ARMC9: variants seen among roughly 807,000 people sequenced by gnomAD.
ARMC9 encodes the protein armadillo repeat containing 9.
A neutral mutation model predicts 107.0 loss-of-function variants in ARMC9; 94 were observed. The ratio of observed to expected loss-of-function variants is 0.88; its 90% confidence interval spans 0.74 to 1.04. The LOEUF is 1.04. ARMC9 is among the 50% of genes least tolerant of loss of function. The probability of loss-of-function intolerance (pLI) is 0.00; values close to 1 mark genes in which losing one functional copy is unlikely to be tolerated. For synonymous variants in ARMC9, 380 were observed against 396.9 expected, an observed-to-expected ratio of 0.96 and a Z score of 0.51; for missense variants, 942 against 1,030.1, an observed-to-expected ratio of 0.91 and a Z score of 1.17.
chr2:231,319,416 C>T (rs1376657606), intron 19 of ARMC9, among the ~76,000 whole-genome samples: 1 of 152,124 alleles, frequency 6.6e-6, no homozygotes. Context: ...AAACTAACTG[C>T]CACGAACCTG....
chr2:231,235,196 A>G lies in ARMC9; in HGVS notation c.623-28A>G, dbSNP rs112017705. 2.5e-6 allele frequency: 4 copies of G among 1,592,048 alleles called. No individual in the cohort carries two copies. In the African/African-American group the frequency reaches 4.0e-5, roughly 16 times the overall value. ...TTTTTCATATTGTGGATTTTTATTG[A>G]TGTTGTTTGTTTTAACTGTCTTCCT... On this transcript the variant is annotated intron_variant, in intron 7 of 24. Coordinates refer to ENST00000611582, the MANE Select transcript of ARMC9 (RefSeq NM_001352754.2).
chr2:231,210,109 T>G (rs1434971537), intron 3 of ARMC9, among the ~76,000 whole-genome samples: 1 of 152,250 alleles, frequency 6.6e-6, no homozygotes, highest in Non-Finnish European at 1.5e-5. Flanking sequence ...CTCCTAGTCC[T>G]TGACTCCCCA....
chr2:231,356,028 T>C, intron 22 of ARMC9, 94 bp downstream of exon 22: 2 of 1,428,882 alleles, frequency 1.4e-6, no homozygotes, highest in Admixed American at 4.6e-5. Context: ...GCACGTCTGC[T>C]CCTGGGAAGC....
At chr2:231,298,045 G>A (rs900583821) in intron 19 of ARMC9, among the ~76,000 whole-genome samples, 1 of 152,190 alleles carries the variant, frequency 6.6e-6, no homozygotes, top group Non-Finnish European at 1.5e-5. Context: ...CATTCTGAAA[G>A]CAATTGTCTA....
In ARMC9 at chr2:231,259,063, T is replaced by A. The variant is rs762055365; in HGVS notation, c.987T>A (p.Ser329Arg). 6.2e-7 allele frequency: 1 copy of A among 1,614,122 alleles called. No homozygotes were observed. Among genetic ancestry groups the A allele is most frequent in the East Asian group, 2.2e-5 (1 of 44,888 alleles). Residue 329 changes from serine (S) to arginine (R), a missense_variant, in exon 11 of 25, where the codon AGT (serine) becomes AGA (arginine). Transcript: ENST00000611582. ...TGAAGAAGGATTTGATTTTGGGGAG[T>A]GACCGCTTGAAAGCCTTCTTGTTGC... ...EKLKKDLILG[S>R]DRLKAFLLQA...
chr2:231,246,570 A>G, intron 9 of ARMC9, among the ~76,000 whole-genome samples: 1 of 152,182 alleles, frequency 6.6e-6, no homozygotes, highest in East Asian at 1.9e-4. Flanking sequence ...ATTCCATTGT[A>G]TATGTGTACC....
chr2:231,261,075 C>T (rs532660158), intron 11 of ARMC9, among the ~76,000 whole-genome samples: 2 of 152,330 alleles, frequency 1.3e-5, no homozygotes, highest in South Asian at 4.1e-4. Flanking sequence ...GTCTGATGCT[C>T]TGGCCTGCGC....
chr2:231,293,674 C>G (rs1041133576), intron 18 of ARMC9: 1 of 152,232 alleles, frequency 6.6e-6, no homozygotes, highest in African/African-American at 2.4e-5. Context: ...CCTGGGCATT[C>G]TGGAAGGCTT....
At chr2:231,350,101 C>T (rs2044997121) in intron 21 of ARMC9, among the ~76,000 whole-genome samples, 2 of 152,110 alleles carry the variant, frequency 1.3e-5, no homozygotes, top group Admixed American at 6.5e-5. Flanking sequence ...GTCTTGGCAA[C>T]TGCAAGCTCC....
chr2:231,200,410 A>G (rs1194067272), intron 1 of ARMC9, among the ~76,000 whole-genome samples: 1 of 152,234 alleles, frequency 6.6e-6, no homozygotes, highest in Admixed American at 6.5e-5. Flanking sequence ...TGCCAGGTGC[A>G]GTGGCTCATG....
chr2:231,218,855 G>A (rs1411004122), intron 5 of ARMC9, among the ~76,000 whole-genome samples: 2 of 151,802 alleles, frequency 1.3e-5, no homozygotes, highest in Admixed American at 1.3e-4. Context: ...GGGTTCAAGC[G>A]ATTCTCCTGC....
At chr2:231,224,510 T>A (rs1193728247) in intron 6 of ARMC9, among the ~76,000 whole-genome samples, 1 of 152,220 alleles carries the variant, frequency 6.6e-6, no homozygotes, top group East Asian at 1.9e-4. Context: ...AGTATGAAGA[T>A]TGAGTTAATA....
At chr2:231,265,793 A>T (rs1448613889) in intron 12 of ARMC9, among the ~76,000 whole-genome samples, 1 of 151,870 alleles carries the variant, frequency 6.6e-6, no homozygotes, top group African/African-American at 2.4e-5. Context: ...AGATCACTTG[A>T]GGTCAGGTGT....
intron 17 of ARMC9, among the ~76,000 whole-genome samples, chr2:231,286,020 G>A (rs1406471132): frequency 2.6e-5 from 4 of 152,172 alleles, no homozygotes; most frequent in Admixed American, 6.5e-5. Flanking sequence ...CAAGGAAAAC[G>A]TTTCCCACAA....
At chr2:231,199,980 G>A (rs1160894151) in intron 1 of ARMC9, among the ~76,000 whole-genome samples, 1 of 152,170 alleles carries the variant, frequency 6.6e-6, no homozygotes, top group Non-Finnish European at 1.5e-5. Context: ...TTACAGGTGT[G>A]AGCCACTGTG....
rs1390609385 is a variant in ARMC9, at chr2:231,360,466, G to A, written c.2132-288G>A. Among the ~76,000 whole-genome samples the A allele has an allele frequency of 6.6e-6, 1 of 152,218 alleles. No homozygotes were observed. The highest frequency in any genetic ancestry group is 1.5e-5 in the Non-Finnish European group (1 of 68,026). On this transcript the variant is annotated intron_variant, in intron 22 of 24. Coordinates refer to ENST00000611582, the MANE Select transcript of ARMC9 (RefSeq NM_001352754.2). The surrounding 1 kb of genome is among the most constrained non-coding windows in gnomAD (Gnocchi z 4.7). Reference sequence around the variant, plus strand: ...CCAGGGAGACAATTTGTTGTTCTGAGGGCTTTCCAGAGGCTGAGGGGTGCC... The same window carrying A: ...CCAGGGAGACAATTTGTTGTTCTGAAGGCTTTCCAGAGGCTGAGGGGTGCC...
chr2:231,278,431 G>T lies in ARMC9; in HGVS notation c.1524G>T (p.Ser508=), dbSNP rs767400789. 3 of 1,614,052 alleles carry T rather than the reference G, an allele frequency of 1.9e-6. No homozygotes were observed. The East Asian group carries it at 6.7e-5, about 36-fold the overall frequency. ...KVAGLVLKVL[S]DLLGHENHEI... ...CAGGCCTCGTGCTCAAAGTCCTTTCGGATCTTCTTGGCCATGAAAACCATG... is the reference window on the plus strand; with the variant it reads ...CAGGCCTCGTGCTCAAAGTCCTTTCTGATCTTCTTGGCCATGAAAACCATG... Residue 508 remains serine, a synonymous_variant, in exon 16 of 25, where the codon TCG becomes TCT. Coordinates refer to ENST00000611582, the MANE Select transcript of ARMC9 (RefSeq NM_001352754.2).
At chr2:231,240,075 G>T (rs2036147756) in intron 9 of ARMC9, 34 bp downstream of exon 9, 1 of 1,533,090 alleles carries the variant, frequency 6.5e-7, no homozygotes, top group Non-Finnish European at 9.0e-7. Context: ...GGTGCCCGTG[G>T]TCTATCCCCC....
chr2:231,281,903 C>A (rs1426723717), intron 16 of ARMC9, among the ~76,000 whole-genome samples, 156 bp from the exon 17 acceptor site: 1 of 152,160 alleles, frequency 6.6e-6, no homozygotes, highest in Non-Finnish European at 1.5e-5. Flanking sequence ...AGATGTCTGT[C>A]ACTTGGAAAC....
Sources: gnomAD v4.1 joint callset for allele counts (sites outside exome capture counted in the v4.1 genomes callset) on GRCh38, gnomAD v4.1.1 for gene constraint, Gnocchi (gnomAD v3.1) non-coding constraint, MANE v1.5 for transcripts, NCBI Gene and HGNC (gene_info 2026-07-23, HGNC 2026-07-21) for gene names.